Variants in PEX19 observed in about 807,000 individuals in gnomAD.
PEX19 encodes the protein 33 kDa housekeeping protein.
In PEX19, 29 loss-of-function variants were observed where a neutral mutation model predicts 36.3. The ratio of observed to expected loss-of-function variants is 0.80; its 90% CI spans 0.60 to 1.09. PEX19 has a LOEUF of 1.09. PEX19 is among the 50% of genes least tolerant of loss of function. The pLI, the probability that PEX19 is intolerant of heterozygous loss-of-function variation, is 0.00. For synonymous variants in PEX19, 141 were observed against 135.2 expected (o/e 1.04, Z -0.30); for missense variants, 396 against 368.1 (o/e 1.08, Z -0.62).
At chr1:160,282,733 G>C in intron 3 of PEX19, 1 of 682,644 alleles carries the variant, frequency 1.5e-6, no homozygotes. Flanking sequence ...CCTTTCAAAT[G>C]GTCAGTTTTG....
At chr1:160,280,815 G>C (rs370215037) in intron 5 of PEX19, among the ~76,000 whole-genome samples, 1 of 152,028 alleles carries the variant, frequency 6.6e-6, no homozygotes, top group Non-Finnish European at 1.5e-5. Context: ...CACTACGCTC[G>C]GCTATTGCAC....
chr1:160,277,282 G>C lies in PEX19; in HGVS notation c.*2269C>G, dbSNP rs1231432305. ...AACTTTTTAGCATTTCAATGTTGCT[G>C]TGATATCCAAGTACATGATCAATGG... On this transcript the variant is annotated 3_prime_UTR_variant, in exon 8 of 8. Transcript: ENST00000368072. The C allele has an allele frequency of 2.2e-6, 1 of 455,810 alleles. No homozygotes were observed. The highest frequency in any genetic ancestry group is 4.4e-6 in the Non-Finnish European group (1 of 226,762). 28.2% of individuals were successfully genotyped at this position (455,810 alleles called of 1,614,324 possible). A position where few individuals can be genotyped will look rare whatever the true frequency, so the allele number is the denominator to read the frequency against.
intron 4 of PEX19, 57 bp downstream of exon 4, chr1:160,282,360 T>G: frequency 6.8e-7 from 1 of 1,470,934 alleles, no homozygotes; most frequent in Admixed American, 1.7e-5. Context: ...TTTGAGACTC[T>G]GCTGGAGAAA....
chr1:160,279,762 G>A (rs1424464642), intron 7 of PEX19, 39 bp downstream of exon 7: 6 of 1,589,256 alleles, frequency 3.8e-6, no homozygotes, highest in Non-Finnish European at 5.2e-6. Context: ...TGGAAATTGG[G>A]GACTCAAATT....
In PEX19 at chr1:160,283,124, T is replaced by A. The variant is rs114403769; in HGVS notation, c.181-15A>T. 26 of 1,612,480 alleles carry A rather than the reference T, an allele frequency of 1.6e-5. No individual in the cohort carries two copies. Among genetic ancestry groups the A allele is most frequent in the Non-Finnish European group, 2.2e-5 (26 of 1,179,934 alleles). ...AAGAGGGCATCCTGCGGGGGAAGGA[T>A]GGCTGAAATGCGTCTCTTACTTAGG... On this transcript the variant is annotated splice_polypyrimidine_tract_variant and intron_variant, in intron 2 of 7. Transcript: ENST00000368072.
chr1:160,279,941 TTC>T, intron 6 of PEX19, 96 bp from the exon 7 acceptor site: 1 of 1,371,824 alleles, frequency 7.3e-7, no homozygotes, highest in Non-Finnish European at 1.0e-6. Context: ...TCTCTATTTC[TTC>T]TGAGAGAGAT....
In PEX19 at chr1:160,283,104, G is replaced by C. The variant is rs758869711; in HGVS notation, c.186C>G (p.Ala62=). 6.2e-6 allele frequency: 10 copies of C among 1,613,314 alleles called. No homozygotes were observed. The South Asian group carries it at 1.1e-4, about 18-fold the overall frequency. ...AAAACTTCTCTTGGGAAGCGAAGAG[G>C]GCATCCTGCGGGGGAAGGATGGCTG... ...KRSPGDTAKD[A]LFASQEKFFQ... is the part of the protein sequence containing the mutation. Residue 62 remains alanine, a synonymous_variant, in exon 3 of 8, where the codon GCC becomes GCG. Coordinates refer to ENST00000368072, the MANE Select transcript of PEX19 (RefSeq NM_002857.4).
intron 6 of PEX19, 52 bp from the exon 7 acceptor site, chr1:160,279,897 C>G: frequency 6.7e-7 from 1 of 1,493,618 alleles, no homozygotes. Context: ...CAGAAAACAA[C>G]AGAGGATCCA....
intron 6 of PEX19, 62 bp downstream of exon 6, chr1:160,280,008 A>C: frequency 1.3e-6 from 2 of 1,521,282 alleles, no homozygotes; most frequent in African/African-American, 1.4e-5. Context: ...TCCTTCCCAG[A>C]TACTTCCTTC....
At chr1:160,282,297 TAACA>T in intron 4 of PEX19, 97 bp from the exon 5 acceptor site, 1 of 1,460,792 alleles carries the variant, frequency 6.8e-7, no homozygotes. Context: ...AACTTGCCTG[TAACA>T]AACAATAAGA....
intron 1 of PEX19, chr1:160,284,295 C>T: frequency 2.4e-6 from 1 of 416,180 alleles, no homozygotes. Context: ...TTCTGCCTGC[C>T]CACATCTCCG....
Position 160,283,579 on chromosome 1 carries a change from G to A in PEX19, c.131C>T (p.Ala44Val). 6.2e-7 allele frequency: 1 copy of A among 1,614,082 alleles called. No homozygotes were observed. Among genetic ancestry groups the A allele is most frequent in the Non-Finnish European group, 8.5e-7 (1 of 1,179,958 alleles). Reference sequence around the variant, plus strand: ...CTTCTGGGGCCCCGAAGCATCAGGGGCCGTGGTGGTAGAAGGGGGTGCTGG... The same window carrying A: ...CTTCTGGGGCCCCGAAGCATCAGGGACCGTGGTGGTAGAAGGGGGTGCTGG... ...PSPAPPSTTT[A>V]PDASGPQKRS... is the part of the protein sequence containing the mutation. Residue 44 changes from alanine (A) to valine (V), a missense_variant, in exon 2 of 8, where the codon GCC becomes GTC. Physicochemically the swap from Ala to Val is moderately conservative, Grantham distance 64 (BLOSUM62 0). Transcript: ENST00000368072.
intron 3 of PEX19, 126 bp downstream of exon 3, chr1:160,282,818 G>T: frequency 9.9e-7 from 1 of 1,007,004 alleles, no homozygotes; most frequent in Non-Finnish European, 1.6e-6. Flanking sequence ...TTCTCTCATT[G>T]CCTTTACCCG....
At chr1:160,279,925 A>G in intron 6 of PEX19, 80 bp from the exon 7 acceptor site, 2 of 1,382,618 alleles carry the variant, frequency 1.4e-6, no homozygotes, top group Non-Finnish European at 2.1e-6. Flanking sequence ...AATCTAATGA[A>G]TGATCTCTCT....
intron 1 of PEX19, 65 bp from the exon 2 acceptor site, chr1:160,283,704 G>A (rs1657883265): frequency 7.9e-7 from 1 of 1,266,512 alleles, no homozygotes; most frequent in African/African-American, 1.5e-5. Flanking sequence ...AGGCTGGGTG[G>A]TTTCTGGGCA....
chr1:160,276,965 C>A lies in PEX19; in HGVS notation c.*2586G>T. On this transcript the variant is annotated 3_prime_UTR_variant, in exon 8 of 8. Transcript: ENST00000368072. ...ATTTCATATACAGCTTAAACCTAAG[C>A]TTTGTAACGATTATTTTTGAGCAGC... is the stretch of plus-strand genomic sequence containing the variant. The A allele has an allele frequency of 2.2e-6, 1 of 454,056 alleles. No individual in the cohort carries two copies. The highest frequency in any genetic ancestry group is 4.4e-6 in the Non-Finnish European group (1 of 226,790). The allele number at this position is 454,056 out of a possible 1,614,324, so 28.1% of individuals were successfully genotyped here.
chr1:160,285,130 T>C lies in PEX19; in HGVS notation c.-6A>G. ...CCTTCCTCAGCGGCGGCCATCTTGCTACCTCCGACTTGCCGTAGGAGGCGG... is the reference window on the plus strand; with the variant it reads ...CCTTCCTCAGCGGCGGCCATCTTGCCACCTCCGACTTGCCGTAGGAGGCGG... On this transcript the variant is annotated 5_prime_UTR_variant, in exon 1 of 8. Transcript: ENST00000368072. 1.2e-6 allele frequency: 2 copies of C among 1,612,330 alleles called. No homozygotes were observed. The highest frequency in any genetic ancestry group is 1.7e-6 in the Non-Finnish European group (2 of 1,178,448).
chr1:160,280,049 G>C, intron 6 of PEX19, 21 bp downstream of exon 6: 21 of 1,609,002 alleles, frequency 1.3e-5, no homozygotes, highest in Non-Finnish European at 1.8e-5. Context: ...GCACCAGTGG[G>C]CAGAAGGCAA....
intron 2 of PEX19, 37 bp downstream of exon 2, chr1:160,283,493 A>G (rs1335192040): frequency 6.8e-7 from 1 of 1,460,338 alleles, no homozygotes; most frequent in African/African-American, 1.4e-5. Flanking sequence ...CTGCATGCCC[A>G]TCCCCTCCCC....
Sources: gnomAD v4.1 joint callset for allele counts (sites outside exome capture counted in the v4.1 genomes callset) on GRCh38, gnomAD v4.1.1 for gene constraint, MANE v1.5 for transcripts, NCBI Gene and HGNC (gene_info 2026-07-23, HGNC 2026-07-21) for gene names.